Variants in PCDH15 observed in about 807,000 individuals in gnomAD.
PCDH15 encodes the protein protocadherin related 15, also known as protocadherin-15.
PCDH15 carries 129 observed loss-of-function variants against 178.5 expected under a neutral mutation model. That is an observed-to-expected ratio of 0.72 (90% CI 0.63 to 0.84). The LOEUF is 0.84. Among genes scored for constraint, PCDH15 ranks in the 40% least tolerant of loss-of-function variants. The probability of loss-of-function intolerance (pLI) is 0.00; values close to 1 mark genes in which losing one functional copy is unlikely to be tolerated. For synonymous variants in PCDH15, 800 were observed against 732.0 expected, an observed-to-expected ratio of 1.09 and a Z score of -1.50; for missense variants, 2,230 against 2,099.9, an observed-to-expected ratio of 1.06 and a Z score of -1.21.
intron 2 of PCDH15, among the ~76,000 whole-genome samples, chr10:55,145,289 A>G (rs1384682230): frequency 6.6e-6 from 1 of 152,062 alleles, no homozygotes; most frequent in African/African-American, 2.4e-5. Context: ...GAAAGGGAGA[A>G]AAGGTATTCC....
At chr10:55,077,102 C>CTT (rs34382338) in intron 2 of PCDH15, among the ~76,000 whole-genome samples, 2,873 of 146,248 alleles carry the variant, frequency 0.02, 86 homozygotes, top group African/African-American at 0.065. Flanking sequence ...GCTACTACTC[C>CTT]TTTTTTTTTT....
intron 3 of PCDH15, among the ~76,000 whole-genome samples, chr10:54,420,718 A>G (rs1266908967): frequency 6.6e-6 from 1 of 152,096 alleles, no homozygotes; most frequent in African/African-American, 2.4e-5. Context: ...TAAGCAAGAG[A>G]TGATGTTGGC....
intron 9 of PCDH15, among the ~76,000 whole-genome samples, chr10:54,236,372 T>C (rs1311433407): frequency 1.3e-5 from 2 of 150,262 alleles, no homozygotes. Context: ...CTAATCGTGC[T>C]CTCTCACCTT....
intron 15 of PCDH15, among the ~76,000 whole-genome samples, chr10:54,101,372 G>A (rs1184198366): frequency 6.6e-6 from 1 of 152,066 alleles, no homozygotes; most frequent in African/African-American, 2.4e-5. Context: ...AGTGGATGGT[G>A]GGGAGGGGAA....
chr10:54,293,623 C>T (rs1005500544), intron 8 of PCDH15, among the ~76,000 whole-genome samples: 10 of 151,750 alleles, frequency 6.6e-5, no homozygotes, highest in African/African-American at 2.2e-4. Context: ...ATTTACAAGA[C>T]AAAAACAAAA....
At chr10:54,578,457 A>C (rs1331138630) in intron 2 of PCDH15, among the ~76,000 whole-genome samples, 1 of 152,160 alleles carries the variant, frequency 6.6e-6, no homozygotes, top group Non-Finnish European at 1.5e-5. Flanking sequence ...GAATGATTTT[A>C]GCAGATTTTT....
chr10:54,070,577 T>C (rs1486255608), intron 17 of PCDH15, among the ~76,000 whole-genome samples: 1 of 151,914 alleles, frequency 6.6e-6, no homozygotes, highest in Non-Finnish European at 1.5e-5. Context: ...TAATATAGCA[T>C]CTTTTTTTAT....
intron 8 of PCDH15, among the ~76,000 whole-genome samples, chr10:54,288,532 C>T (rs1330792205): frequency 1.3e-5 from 2 of 152,084 alleles, no homozygotes; most frequent in Admixed American, 1.3e-4. Context: ...GTGCAGCCCA[C>T]GGAGGGCGAG....
intron 15 of PCDH15, among the ~76,000 whole-genome samples, chr10:54,107,046 C>T (rs2094929241): frequency 6.6e-6 from 1 of 152,098 alleles, no homozygotes; most frequent in South Asian, 2.1e-4. Flanking sequence ...TCATCTATCT[C>T]AGCTGTCTAT....
intron 1 of PCDH15, among the ~76,000 whole-genome samples, chr10:54,732,538 T>A (rs1943552777): frequency 6.6e-6 from 1 of 151,612 alleles, no homozygotes; most frequent in African/African-American, 2.4e-5. Context: ...GCAATTAGAT[T>A]TAGACTTAAA....
At chr10:54,535,066 T>C (rs1451312369) in intron 2 of PCDH15, among the ~76,000 whole-genome samples, 2 of 152,216 alleles carry the variant, frequency 1.3e-5, no homozygotes, top group Non-Finnish European at 2.9e-5. Flanking sequence ...AAGAACAGGA[T>C]ATGCTACTTG....
chr10:55,601,555 T>A (rs1333966040), intron 2 of PCDH15, among the ~76,000 whole-genome samples: 1 of 152,140 alleles, frequency 6.6e-6, no homozygotes, highest in African/African-American at 2.4e-5. Context: ...AAGTAAGTGA[T>A]GTTAATTAGG....
intron 1 of PCDH15, among the ~76,000 whole-genome samples, chr10:55,234,069 T>C (rs979857002): frequency 6.6e-6 from 1 of 152,066 alleles, no homozygotes; most frequent in African/African-American, 2.4e-5. Flanking sequence ...TCAGTAAGTA[T>C]TTAGATGTAG....
chr10:54,172,120 A>G (rs1429497286), intron 13 of PCDH15, among the ~76,000 whole-genome samples: 1 of 152,168 alleles, frequency 6.6e-6, no homozygotes, highest in Non-Finnish European at 1.5e-5. Context: ...ATACGCCCAG[A>G]TGGCCTGAAG....
At chr10:54,399,376 T>A (rs1034387876) in intron 3 of PCDH15, among the ~76,000 whole-genome samples, 1 of 152,032 alleles carries the variant, frequency 6.6e-6, no homozygotes, top group Non-Finnish European at 1.5e-5. Flanking sequence ...AATATTACAG[T>A]GTGATAATTG....
chr10:55,616,908 T>C (rs1169330926), intron 2 of PCDH15, among the ~76,000 whole-genome samples: 1 of 152,098 alleles, frequency 6.6e-6, no homozygotes. Context: ...TTGTAGAATA[T>C]ACATTAAGTA....
chr10:54,064,269 G>T (rs956194985), intron 18 of PCDH15, among the ~76,000 whole-genome samples: 3 of 152,188 alleles, frequency 2.0e-5, no homozygotes, highest in African/African-American at 7.2e-5. Context: ...CCTGCAGCTG[G>T]TATTCTTGAT....
intron 2 of PCDH15, among the ~76,000 whole-genome samples, chr10:54,574,180 T>C (rs999855338): frequency 1.1e-4 from 17 of 151,372 alleles, no homozygotes; most frequent in Non-Finnish European, 2.2e-4. Flanking sequence ...AAGTCTTTAA[T>C]CCATCTTGAA....
intron 2 of PCDH15, among the ~76,000 whole-genome samples, chr10:55,615,798 T>C (rs1456422434): frequency 1.3e-5 from 2 of 152,146 alleles, no homozygotes; most frequent in African/African-American, 2.4e-5. Flanking sequence ...CTAAGCTGAT[T>C]TGAGCAGGAA....
Sources: allele counts gnomAD v4.1 joint callset (sites outside exome capture counted in the v4.1 genomes callset), GRCh38; gene constraint gnomAD v4.1.1; transcripts MANE v1.5; gene names NCBI Gene and HGNC (gene_info 2026-07-23, HGNC 2026-07-21).